MAST4: variants seen among roughly 807,000 people sequenced by gnomAD.
MAST4 encodes microtubule associated serine/threonine kinase family member 4, also known as microtubule-associated serine/threonine-protein kinase 4.
A neutral mutation model predicts 162.7 loss-of-function variants in MAST4; 89 were observed. The ratio of observed to expected loss-of-function variants is 0.55; its 90% CI spans 0.46 to 0.65. MAST4 has a LOEUF of 0.65. Ranked by LOEUF, MAST4 falls within the 30% of genes least tolerant of loss-of-function variation. The pLI is 0.00. For missense variants in MAST4, 3,153 were observed against 3,374.0 expected (o/e 0.93, Z 1.62); for synonymous variants, 1,479 against 1,361.1 (o/e 1.09, Z -1.91).
rs184608657 is a variant in MAST4, at chr5:66,696,764, A to G, written c.364-62945A>G. ...TCATCTGCATTTTTTTTTTTACTGC[A>G]TTTACATTTGCACTGATTGGCAAAA... On this transcript the variant is annotated intron_variant, in intron 1 of 28. Transcript: ENST00000403625. Among the ~76,000 whole-genome samples the G allele has an allele frequency of 1.0e-3, 152 of 151,636 alleles. 1 individual carries two copies. Among genetic ancestry groups the G allele is most frequent in the African/African-American group, 3.6e-3 (148 of 41,264 alleles).
intron 1 of MAST4, among the ~76,000 whole-genome samples, chr5:66,617,776 A>G (rs1743796964): frequency 6.6e-6 from 1 of 152,166 alleles, no homozygotes; most frequent in East Asian, 1.9e-4. Flanking sequence ...GGAGCTTACC[A>G]TAGAAGCACA....
intron 23 of MAST4, among the ~76,000 whole-genome samples, chr5:67,146,828 A>G (rs1010096222): frequency 1.3e-5 from 2 of 152,340 alleles, no homozygotes; most frequent in African/African-American, 4.8e-5. Context: ...AAGGCAACCT[A>G]TTAGACTAAG....
intron 1 of MAST4, among the ~76,000 whole-genome samples, chr5:66,610,574 T>C (rs1277162681): frequency 1.3e-5 from 2 of 152,328 alleles, no homozygotes. Context: ...TGGGGTGCAG[T>C]GCGGCCTCTA....
chr5:67,015,650 C>T (rs1353566107), intron 4 of MAST4, among the ~76,000 whole-genome samples: 2 of 152,164 alleles, frequency 1.3e-5, no homozygotes, highest in Non-Finnish European at 2.9e-5. Flanking sequence ...TCTCCACTTT[C>T]AGTTCCTTTT....
chr5:66,714,360 G>A (rs905579230), intron 1 of MAST4, among the ~76,000 whole-genome samples: 6 of 152,138 alleles, frequency 3.9e-5, no homozygotes, highest in East Asian at 1.9e-4. Flanking sequence ...TTAGGTTTTG[G>A]TGTTTTCTCC....
chr5:67,024,179 A>G (rs916669457), intron 4 of MAST4, among the ~76,000 whole-genome samples: 1 of 145,952 alleles, frequency 6.9e-6, no homozygotes, highest in Non-Finnish European at 1.5e-5. Context: ...TGGCTTGCTT[A>G]TTTCACTTAG....
chr5:66,724,077 A>G (rs1158415325), intron 1 of MAST4, among the ~76,000 whole-genome samples: 3 of 152,158 alleles, frequency 2.0e-5, no homozygotes, highest in Non-Finnish European at 1.5e-5. Context: ...TGGCACTCTT[A>G]GTGGAATTAT....
chr5:67,023,194 C>T (rs1754203236), intron 4 of MAST4, among the ~76,000 whole-genome samples: 1 of 152,086 alleles, frequency 6.6e-6, no homozygotes, highest in East Asian at 1.9e-4. Context: ...GTTACATATT[C>T]CATTGTATAT....
chr5:67,027,109 G>A (rs1472099675), intron 4 of MAST4, among the ~76,000 whole-genome samples: 13 of 152,014 alleles, frequency 8.6e-5, no homozygotes, highest in Admixed American at 8.5e-4. Context: ...AATATGTAAG[G>A]ATATTTATCT....
chr5:66,662,907 C>T (rs1747001320), intron 1 of MAST4: 1 of 152,230 alleles, frequency 6.6e-6, no homozygotes, highest in South Asian at 2.1e-4. Context: ...GTGGCTCAAC[C>T]TTGGCTCACT....
chr5:66,954,893 T>G (rs1745114563), intron 4 of MAST4, among the ~76,000 whole-genome samples: 1 of 131,034 alleles, frequency 7.6e-6, no homozygotes, highest in African/African-American at 4.1e-5. Context: ...AGAGCAAGAC[T>G]CTGTCTCAAA....
chr5:66,771,830 T>C lies in MAST4; in HGVS notation c.517+11968T>C, dbSNP rs116594946. On this transcript the variant is annotated intron_variant, in intron 2 of 28. Transcript: ENST00000403625. Reference sequence around the variant, plus strand: ...GCGTAATCATATTCCTTTTTCTTTCTACTGCTTTTTAGTTTTGTCTTTTTA... The same window carrying C: ...GCGTAATCATATTCCTTTTTCTTTCCACTGCTTTTTAGTTTTGTCTTTTTA... Among the ~76,000 whole-genome samples, 956 of 152,202 alleles carry C rather than the reference T, an allele frequency of 6.3e-3. 10 individuals are homozygous for C. Among genetic ancestry groups the C allele is most frequent in the African/African-American group, 0.022 (923 of 41,510 alleles).
chr5:66,622,540 A>G (rs921556217), intron 1 of MAST4, among the ~76,000 whole-genome samples: 1 of 151,844 alleles, frequency 6.6e-6, no homozygotes, highest in African/African-American at 2.4e-5. Context: ...TAATAGATTA[A>G]AGAGGCTTGG....
At chr5:67,137,046 G>A (rs192004761) in intron 19 of MAST4, among the ~76,000 whole-genome samples, 2 of 152,228 alleles carry the variant, frequency 1.3e-5, no homozygotes, top group East Asian at 3.9e-4. Flanking sequence ...AACTCTTTTT[G>A]TTTTTGTCTT....
chr5:67,153,492 G>C lies in MAST4; in HGVS notation c.3560G>C (p.Gly1187Ala). 1 of 1,604,640 alleles carries C rather than the reference G, an allele frequency of 6.2e-7. No individual in the cohort carries two copies. The highest frequency in any genetic ancestry group is 8.5e-7 in the Non-Finnish European group (1 of 1,175,302). Reference protein sequence around the residue: ...VEEGSPACQAGLKAGDLITHI... With the variant: ...VEEGSPACQAALKAGDLITHI... ...GAAGGAAGTCCGGCATGCCAGGCAG[G>C]ACTGAAGGCTGGAGATCTTATCACT... Residue 1187 changes from glycine (G) to alanine (A), a missense_variant, in exon 26 of 29, where the codon GGA (glycine) becomes GCA (alanine). Transcript: ENST00000403625.
chr5:67,140,564 A>G (rs1770257481), intron 19 of MAST4, among the ~76,000 whole-genome samples: 1 of 152,310 alleles, frequency 6.6e-6, no homozygotes, highest in African/African-American at 2.4e-5. Flanking sequence ...TCTGCCTTAT[A>G]TGTGGCACTG....
At chr5:67,089,771 A>G (rs1005488890) in intron 5 of MAST4, among the ~76,000 whole-genome samples, 12 of 152,158 alleles carry the variant, frequency 7.9e-5, no homozygotes, top group African/African-American at 2.9e-4. Context: ...AACACCTCCA[A>G]CTGAAGCATA....
chr5:66,723,434 G>A (rs771674038), intron 1 of MAST4, among the ~76,000 whole-genome samples: 2 of 152,180 alleles, frequency 1.3e-5, no homozygotes, highest in African/African-American at 2.4e-5. Context: ...CAGTGCTGTA[G>A]ACTATAATTG....
rs966318579 is a variant in MAST4, at chr5:67,149,247, C to T, written c.3095-142C>T. On this transcript the variant is annotated intron_variant, in intron 23 of 28. Coordinates refer to ENST00000403625, the MANE Select transcript of MAST4 (RefSeq NM_001164664.2). ...AAAGCAATCACATGTTGTTAATGTT[C>T]GCCTGACACCGTCTGGACTTACTGG... 9 of 680,942 alleles carry T rather than the reference C, an allele frequency of 1.3e-5. No individual in the cohort carries two copies. The South Asian group carries it at 1.7e-4, about 13-fold the overall frequency. The allele number at this position is 680,942 out of a possible 1,614,324, so 42.2% of individuals were successfully genotyped here.
Sources: gnomAD v4.1 joint callset for allele counts (sites outside exome capture counted in the v4.1 genomes callset) on GRCh38, gnomAD v4.1.1 for gene constraint, MANE v1.5 for transcripts, NCBI Gene and HGNC (gene_info 2026-07-23, HGNC 2026-07-21) for gene names.